The following SGCZ variants were observed in gnomAD, a reference collection of about 807,000 sequenced individuals.
SGCZ encodes the protein sarcoglycan zeta.
Under a neutral mutation model 41.3 loss-of-function variants are expected in SGCZ, and 40 were observed. The ratio of observed to expected loss-of-function variants is 0.97; its 90% CI spans 0.75 to 1.26. The LOEUF (loss-of-function observed/expected upper bound fraction) is 1.26. Among genes scored for constraint, SGCZ ranks in the 50% most tolerant of loss-of-function variants. The probability of loss-of-function intolerance (pLI) is 0.00; values close to 1 mark genes in which losing one functional copy is unlikely to be tolerated. For missense variants in SGCZ, 552 were observed against 369.8 expected (o/e 1.49, Z -4.04); for synonymous variants, 206 against 137.5 (o/e 1.50, Z -3.49).
intron 1 of SGCZ, among the ~76,000 whole-genome samples, chr8:14,684,891 T>C (rs1808562019): frequency 1.3e-5 from 2 of 152,146 alleles, no homozygotes; most frequent in South Asian, 2.1e-4. Context: ...GTCTGTTATC[T>C]GTGCAGGTCG....
chr8:14,485,833 A>ATTTT lies in SGCZ; in HGVS notation c.234+68895_234+68898dup, dbSNP rs71209049. Reference sequence around the variant, plus strand: ...ACTACTTTATATTTTCTCTAGAACAATTTTTTTTTTTTTTTTTTTGAGACG... The same window carrying ATTTT: ...ACTACTTTATATTTTCTCTAGAACAATTTTTTTTTTTTTTTTTTTTTTTGAGACG... On this transcript the variant is annotated intron_variant, in intron 2 of 7. Coordinates refer to ENST00000382080, the MANE Select transcript of SGCZ (RefSeq NM_139167.4). Among the ~76,000 whole-genome samples the ATTTT allele has an allele frequency of 3.0e-3, 309 of 103,354 alleles. 20 individuals carry two copies. Among genetic ancestry groups the ATTTT allele is most frequent in the African/African-American group, 9.2e-3 (261 of 28,480 alleles). The allele number at this position is 103,354 out of a possible 152,430, so 67.8% of individuals were successfully genotyped here. A position where few individuals can be genotyped will look rare whatever the true frequency, so the allele number is the denominator to read the frequency against.
intron 2 of SGCZ, among the ~76,000 whole-genome samples, chr8:14,535,482 A>G (rs1162018787): frequency 6.6e-6 from 1 of 151,894 alleles, no homozygotes; most frequent in Non-Finnish European, 1.5e-5. Flanking sequence ...AATCTTTATT[A>G]TTTCCTCCTA....
intron 1 of SGCZ, among the ~76,000 whole-genome samples, chr8:14,718,399 T>C (rs1272995631): frequency 1.3e-5 from 2 of 151,992 alleles, no homozygotes; most frequent in Non-Finnish European, 2.9e-5. Flanking sequence ...GAGAAACCAA[T>C]ATTATCTATA....
chr8:14,520,141 A>T (rs561303390), intron 2 of SGCZ, among the ~76,000 whole-genome samples: 1 of 152,264 alleles, frequency 6.6e-6, no homozygotes, highest in African/African-American at 2.4e-5. Context: ...CCTCTAAGGT[A>T]TACAATACAT....
chr8:15,012,674 T>A (rs974120424), intron 1 of SGCZ, among the ~76,000 whole-genome samples: 1 of 115,392 alleles, frequency 8.7e-6, no homozygotes, highest in East Asian at 2.6e-4. Context: ...ATATTTATTA[T>A]ATATTTATAA....
chr8:14,721,644 G>T (rs1046873101), intron 1 of SGCZ, among the ~76,000 whole-genome samples: 6 of 152,124 alleles, frequency 3.9e-5, no homozygotes, highest in African/African-American at 1.4e-4. Context: ...TATTATGATG[G>T]TTTTATAATT....
chr8:14,756,175 G>A (rs1255554318), intron 1 of SGCZ, among the ~76,000 whole-genome samples: 1 of 144,372 alleles, frequency 6.9e-6, no homozygotes, highest in Non-Finnish European at 1.5e-5. Flanking sequence ...AATATTTTCA[G>A]TAGAAGTAAA....
At chr8:14,451,708 A>G (rs745451286) in intron 2 of SGCZ, among the ~76,000 whole-genome samples, 4 of 152,234 alleles carry the variant, frequency 2.6e-5, no homozygotes, top group Admixed American at 1.3e-4. Flanking sequence ...TGCACACTGC[A>G]TGATATACAA....
At chr8:15,233,544 G>T (rs940949621) in intron 1 of SGCZ, among the ~76,000 whole-genome samples, 6 of 151,640 alleles carry the variant, frequency 4.0e-5, no homozygotes, top group African/African-American at 1.5e-4. Context: ...ATATTATTTA[G>T]GGAAGGTTTT....
intron 5 of SGCZ, among the ~76,000 whole-genome samples, chr8:14,112,102 C>CAGAG (rs905848474): frequency 6.6e-6 from 1 of 152,026 alleles, no homozygotes; most frequent in African/African-American, 2.4e-5. Context: ...CAAGAAGCAC[C>CAGAG]AGAGAGAAAG....
chr8:14,131,889 G>C (rs1803052113), intron 5 of SGCZ, among the ~76,000 whole-genome samples: 1 of 152,054 alleles, frequency 6.6e-6, no homozygotes, highest in Non-Finnish European at 1.5e-5. Context: ...TGTAACCTAG[G>C]AGCAGTAGGT....
At chr8:14,912,115 A>G (rs757820422) in intron 1 of SGCZ, among the ~76,000 whole-genome samples, 1 of 152,016 alleles carries the variant, frequency 6.6e-6, no homozygotes, top group Non-Finnish European at 1.5e-5. Context: ...CCAACACCCA[A>G]TAAAATGTAT....
rs368805689 is a variant in SGCZ at position 14,826,484 on chromosome 8, T to C, written c.40-271558A>G. Among the ~76,000 whole-genome samples, 623 of 152,208 alleles carry C rather than the reference T, an allele frequency of 4.1e-3. 5 individuals are homozygous for C. Among genetic ancestry groups the C allele is most frequent in the South Asian group, 0.016 (75 of 4,822 alleles). On this transcript the variant is annotated intron_variant, in intron 1 of 7. Transcript: ENST00000382080. ...TGGCTGGGTCAAATGGTATTTCTAG[T>C]TCTAGATCCCTGAGGAATCGCCACA...
intron 1 of SGCZ, among the ~76,000 whole-genome samples, chr8:14,976,691 A>C (rs1351036810): frequency 3.3e-5 from 5 of 152,178 alleles, no homozygotes; most frequent in African/African-American, 9.7e-5. Context: ...ATAGATACAG[A>C]GTACAAAAAT....
intron 4 of SGCZ, among the ~76,000 whole-genome samples, chr8:14,228,382 T>G (rs1806447526): frequency 6.6e-6 from 1 of 152,214 alleles, no homozygotes; most frequent in East Asian, 1.9e-4. Flanking sequence ...CACTCCTTTC[T>G]TACTTTGTTT....
At chr8:14,987,051 T>C (rs2130888079) in intron 1 of SGCZ, among the ~76,000 whole-genome samples, 1 of 152,056 alleles carries the variant, frequency 6.6e-6, no homozygotes, top group East Asian at 1.9e-4. Flanking sequence ...CTATTACATG[T>C]CTGAAGTTCA....
chr8:15,123,857 G>A (rs1396583079), intron 1 of SGCZ, among the ~76,000 whole-genome samples: 1 of 151,564 alleles, frequency 6.6e-6, no homozygotes, highest in African/African-American at 2.4e-5. Flanking sequence ...GGAAGAAAAC[G>A]TATTTCAGGT....
intron 1 of SGCZ, among the ~76,000 whole-genome samples, chr8:14,644,937 T>C (rs1807156292): frequency 1.1e-5 from 1 of 92,560 alleles, no homozygotes; most frequent in Non-Finnish European, 2.3e-5. Context: ...AAAGCCTTTG[T>C]GTAGTTGCAT....
intron 2 of SGCZ, among the ~76,000 whole-genome samples, chr8:14,490,672 T>C (rs1386753773): frequency 6.6e-6 from 1 of 152,210 alleles, no homozygotes; most frequent in East Asian, 1.9e-4. Flanking sequence ...TCAAATTGTG[T>C]TCTTGAGAAC....
Sources: allele counts gnomAD v4.1 joint callset (sites outside exome capture counted in the v4.1 genomes callset), GRCh38; gene constraint gnomAD v4.1.1; transcripts MANE v1.5; gene names NCBI Gene and HGNC (gene_info 2026-07-23, HGNC 2026-07-21).